The following POU2F3 variants were observed in gnomAD, a reference collection of about 807,000 sequenced individuals.
The protein encoded by POU2F3 is POU domain, class 2, transcription factor 3.
POU2F3 carries 23 observed loss-of-function variants against 59.2 expected under a neutral mutation model. The ratio of observed to expected loss-of-function variants is 0.39; its 90% CI spans 0.28 to 0.55. POU2F3 has a LOEUF of 0.55. Among genes scored for constraint, POU2F3 ranks in the 20% least tolerant of loss-of-function variants. POU2F3 has a pLI of 0.66. For missense variants in POU2F3, 473 were observed against 544.5 expected (o/e 0.87, Z 1.31); for synonymous variants, 190 against 214.6 (o/e 0.89, Z 1.00).
At chr11:120,293,512 G>T (rs1166061522) in intron 3 of POU2F3, among the ~76,000 whole-genome samples, 1 of 152,100 alleles carries the variant, frequency 6.6e-6, no homozygotes, top group Non-Finnish European at 1.5e-5. Context: ...TAGAAAGGGG[G>T]AGAAAGAAAA....
chr11:120,265,269 C>T (rs537522800), intron 2 of POU2F3: 1 of 152,368 alleles, frequency 6.6e-6, no homozygotes, highest in South Asian at 2.1e-4. Flanking sequence ...TATGTCTCGG[C>T]CTAGACACAT....
intron 3 of POU2F3, among the ~76,000 whole-genome samples, chr11:120,288,308 G>T (rs1940887540): frequency 6.6e-6 from 1 of 151,938 alleles, no homozygotes; most frequent in African/African-American, 2.4e-5. Flanking sequence ...GACAAAATAG[G>T]GATGTATATG....
At chr11:120,284,569 A>C (rs1241117070) in intron 3 of POU2F3, among the ~76,000 whole-genome samples, 4 of 152,106 alleles carry the variant, frequency 2.6e-5, no homozygotes, top group South Asian at 2.1e-4. Context: ...GACTCTGACC[A>C]ACCCAGTTTG....
At chr11:120,315,506 C>G in intron 11 of POU2F3, 79 bp downstream of exon 11, 1 of 1,326,406 alleles carries the variant, frequency 7.5e-7, no homozygotes. Context: ...AGGTATCTAC[C>G]TAAGTCAGGC....
intron 2 of POU2F3, chr11:120,259,172 A>G (rs1218445115): frequency 6.6e-6 from 1 of 152,210 alleles, no homozygotes; most frequent in African/African-American, 2.4e-5. Flanking sequence ...TTTGAAGGAA[A>G]GTCATCAGAA....
At chr11:120,294,629 G>A (rs988678663) in intron 3 of POU2F3, among the ~76,000 whole-genome samples, 68 of 152,180 alleles carry the variant, frequency 4.5e-4, no homozygotes, top group Admixed American at 1.9e-3. Context: ...CTGTAAAAAG[G>A]GATTTTTGTA....
rs1941529494 is a variant in POU2F3, at chr11:120,307,497, C to T, written c.788C>T (p.Pro263Leu). Reference sequence around the variant, plus strand: ...CCTGCAGAGTCCTCTCCGTCAGACCCCTCAGTGAGCACGCCCAGCTCCTAC... The same window carrying T: ...CCTGCAGAGTCCTCTCCGTCAGACCTCTCAGTGAGCACGCCCAGCTCCTAC... ...LNDAESSPSDPSVSTPSSYPS... is the reference protein window; with the variant it reads ...LNDAESSPSDLSVSTPSSYPS... Residue 263 changes from proline to leucine, a missense_variant, in exon 9 of 13, where the codon CCC (proline) becomes CTC (leucine). Transcript: ENST00000543440. 6.2e-7 allele frequency: 1 copy of T among 1,614,174 alleles called. No individual in the cohort carries two copies.
chr11:120,303,268 C>G (rs1343374268), intron 6 of POU2F3: 1 of 152,204 alleles, frequency 6.6e-6, no homozygotes, highest in Admixed American at 6.5e-5. Context: ...TCCTGGCTGC[C>G]CTCTCCAGAA....
intron 3 of POU2F3, among the ~76,000 whole-genome samples, chr11:120,278,685 G>A (rs1940435167): frequency 6.6e-6 from 1 of 152,212 alleles, no homozygotes. Flanking sequence ...TGAGTGATTA[G>A]GTGGATATGG....
intron 3 of POU2F3, among the ~76,000 whole-genome samples, chr11:120,293,343 C>T (rs1341932069): frequency 8.5e-5 from 13 of 152,294 alleles, no homozygotes; most frequent in East Asian, 1.9e-4. Flanking sequence ...AAAATGCAGC[C>T]GGTATCTCTT....
At chr11:120,243,086 A>G (rs138742594) in intron 1 of POU2F3, among the ~76,000 whole-genome samples, 41 of 152,232 alleles carry the variant, frequency 2.7e-4, no homozygotes, top group African/African-American at 9.9e-4. Context: ...CAGGAATAGC[A>G]TTTGGGTTGG....
chr11:120,272,685 CTGT>C (rs1591398600), intron 3 of POU2F3, among the ~76,000 whole-genome samples: 1 of 152,142 alleles, frequency 6.6e-6, no homozygotes, highest in Non-Finnish European at 1.5e-5. Context: ...CACACTGAGC[CTGT>C]TAACTTCCTG....
chr11:120,275,372 G>A (rs1299786989), intron 3 of POU2F3, among the ~76,000 whole-genome samples: 1 of 152,140 alleles, frequency 6.6e-6, no homozygotes, highest in Non-Finnish European at 1.5e-5. Flanking sequence ...GGGCACAGCT[G>A]TCCTTGCCTG....
chr11:120,254,515 G>A (rs1431659341), intron 2 of POU2F3, among the ~76,000 whole-genome samples: 2 of 152,208 alleles, frequency 1.3e-5, no homozygotes, highest in Admixed American at 6.5e-5. Flanking sequence ...CCCCCGGAAG[G>A]GCTTGCCCAG....
intron 9 of POU2F3, 93 bp downstream of exon 9, chr11:120,307,708 C>G: frequency 1.4e-6 from 2 of 1,472,812 alleles, no homozygotes; most frequent in East Asian, 4.6e-5. Flanking sequence ...AGCCCCTCCG[C>G]ACCTCACACC....
intron 3 of POU2F3, among the ~76,000 whole-genome samples, chr11:120,286,638 GT>G (rs1408884832): frequency 1.3e-5 from 2 of 152,102 alleles, no homozygotes; most frequent in African/African-American, 4.8e-5. Flanking sequence ...TTTTTTAAAG[GT>G]AATTATGTCA....
intron 12 of POU2F3, 38 bp from the exon 13 acceptor site, chr11:120,318,315 A>G (rs763485473): frequency 6.4e-7 from 1 of 1,564,338 alleles, no homozygotes; most frequent in South Asian, 1.1e-5. Flanking sequence ...ACGCCATCAC[A>G]TTATTAGCTT....
chr11:120,302,738 AAGAGGGAGACT>A (rs1941382632), intron 6 of POU2F3: 1 of 215,162 alleles, frequency 4.6e-6, no homozygotes, highest in Admixed American at 5.8e-5. Flanking sequence ...CTCAAGCCCC[AAGAGGGAGACT>A]AGAATACTAC....
chr11:120,246,668 T>C (rs1938890513), intron 2 of POU2F3, 151 bp downstream of exon 2: 4 of 734,328 alleles, frequency 5.4e-6, no homozygotes, highest in Non-Finnish European at 9.0e-6. Flanking sequence ...CCTGAGGACA[T>C]GGGATATGAT....
Sources: allele counts gnomAD v4.1 joint callset (sites outside exome capture counted in the v4.1 genomes callset), GRCh38; gene constraint gnomAD v4.1.1; transcripts MANE v1.5; gene names NCBI Gene and HGNC (gene_info 2026-07-23, HGNC 2026-07-21).